DKK3: variants seen among roughly 807,000 people sequenced by gnomAD.
DKK3 encodes dickkopf Wnt signaling pathway inhibitor 3, also known as dickkopf-related protein 3.
Under a neutral mutation model 33.2 loss-of-function variants are expected in DKK3, and 22 were observed. The ratio of observed to expected loss-of-function variants is 0.66; its 90% CI spans 0.47 to 0.95. DKK3 has a LOEUF of 0.95. Among genes scored for constraint, DKK3 ranks in the 40% least tolerant of loss-of-function variants. The probability of loss-of-function intolerance (pLI) is 0.00; values close to 1 mark genes in which losing one functional copy is unlikely to be tolerated. For missense variants in DKK3, 398 were observed against 458.4 expected (o/e 0.87, Z 1.20); for synonymous variants, 194 against 188.8 (o/e 1.03, Z -0.23).
chr11:11,995,820 C>T (rs1205885663), intron 3 of DKK3, among the ~76,000 whole-genome samples: 1 of 152,232 alleles, frequency 6.6e-6, no homozygotes, highest in East Asian at 1.9e-4. Flanking sequence ...CAGACCACAT[C>T]CCCATCAGCC....
chr11:11,971,856 T>G (rs1299048199), intron 3 of DKK3, among the ~76,000 whole-genome samples: 1 of 152,208 alleles, frequency 6.6e-6, no homozygotes, highest in African/African-American at 2.4e-5. Flanking sequence ...CATGGAACTT[T>G]GCCAAAAACC....
intron 3 of DKK3, among the ~76,000 whole-genome samples, chr11:11,970,987 A>T (rs746845417): frequency 2.6e-5 from 4 of 152,328 alleles, no homozygotes; most frequent in Middle Eastern, 6.8e-3. Flanking sequence ...TAGTTTCAGG[A>T]AATAGGCATT....
At chr11:12,006,604 C>T (rs926097804) in intron 1 of DKK3, among the ~76,000 whole-genome samples, 2 of 152,184 alleles carry the variant, frequency 1.3e-5, no homozygotes, top group African/African-American at 4.8e-5. Context: ...CCAACCTACA[C>T]AGAGCCACAT....
chr11:11,978,549 CT>C (rs1364742394), intron 3 of DKK3, among the ~76,000 whole-genome samples: 1 of 146,700 alleles, frequency 6.8e-6, no homozygotes, highest in African/African-American at 2.5e-5. Flanking sequence ...TTGTTTTTAA[CT>C]TTTTTTTGTA....
chr11:11,970,651 C>G (rs561009295), intron 3 of DKK3, among the ~76,000 whole-genome samples: 1 of 152,148 alleles, frequency 6.6e-6, no homozygotes, highest in Non-Finnish European at 1.5e-5. Context: ...ACCTACCTGA[C>G]GGAATCACAA....
At chr11:11,979,514 C>T (rs1348097524) in intron 3 of DKK3, among the ~76,000 whole-genome samples, 1 of 152,200 alleles carries the variant, frequency 6.6e-6, no homozygotes, top group Non-Finnish European at 1.5e-5. Flanking sequence ...AGGAAGCTGG[C>T]TTCACTCCTA....
At chr11:11,990,239 A>C (rs1848160201) in intron 3 of DKK3, among the ~76,000 whole-genome samples, 1 of 152,234 alleles carries the variant, frequency 6.6e-6, no homozygotes, top group Non-Finnish European at 1.5e-5. Context: ...CAGGCTACTC[A>C]GAGACCACAG....
chr11:11,991,200 G>A (rs1289700914), intron 3 of DKK3, among the ~76,000 whole-genome samples: 5 of 152,236 alleles, frequency 3.3e-5, no homozygotes, highest in African/African-American at 1.2e-4. Context: ...CAAGGAGGGA[G>A]AGCTAGCTCT....
intron 3 of DKK3, among the ~76,000 whole-genome samples, chr11:11,975,558 T>C (rs1383495567): frequency 1.2e-4 from 19 of 152,226 alleles, no homozygotes. Flanking sequence ...GATGTGGGGC[T>C]GTTCCCAGAA....
chr11:11,975,138 TG>T (rs1309800044), intron 3 of DKK3, among the ~76,000 whole-genome samples: 1 of 152,176 alleles, frequency 6.6e-6, no homozygotes, highest in East Asian at 1.9e-4. Flanking sequence ...TCGTCCTGTT[TG>T]GGGTACTTTG....
chr11:12,009,479 G>C, upstream of DKK3: 2 of 903,396 alleles, frequency 2.2e-6, no homozygotes, highest in Non-Finnish European at 2.6e-6. Flanking sequence ...CACGCCCCAC[G>C]CCCTCCTCTT....
At chr11:11,975,701 G>A (rs941233206) in intron 3 of DKK3, among the ~76,000 whole-genome samples, 6 of 152,096 alleles carry the variant, frequency 3.9e-5, no homozygotes, top group Non-Finnish European at 7.4e-5. Context: ...TGGGATGCAG[G>A]ACTTGCAGTG....
At chr11:12,003,972 T>C (rs1590558952) in intron 1 of DKK3, among the ~76,000 whole-genome samples, 1 of 152,286 alleles carries the variant, frequency 6.6e-6, no homozygotes, top group East Asian at 1.9e-4. Context: ...AGTGGCCGGA[T>C]TCTGTGCTGG....
intron 3 of DKK3, among the ~76,000 whole-genome samples, chr11:11,983,033 G>GTAATTACAAAAAGCCA (rs1847989762): frequency 1.3e-5 from 2 of 152,192 alleles, no homozygotes; most frequent in African/African-American, 2.4e-5. Flanking sequence ...CTGTTTTTCA[G>GTAATTACAAAAAGCCA]TAATTACAAA....
chr11:11,967,962 G>T (rs569351207), intron 4 of DKK3, among the ~76,000 whole-genome samples: 1 of 152,262 alleles, frequency 6.6e-6, no homozygotes, highest in Non-Finnish European at 1.5e-5. Flanking sequence ...GTCTCTGTTT[G>T]TCTATTAGGA....
rs1385833424 is a variant in DKK3, at chr11:11,964,382, G to C, written c.*82C>G. Reference sequence around the variant, plus strand: ...GGGAAGAAGATGTAGGAAGAAGCCTGGTCAGCCCACGCCTAAAGCACACAC... The same window carrying C: ...GGGAAGAAGATGTAGGAAGAAGCCTCGTCAGCCCACGCCTAAAGCACACAC... On this transcript the variant is annotated 3_prime_UTR_variant, in exon 7 of 7. Coordinates refer to ENST00000683431, the MANE Select transcript of DKK3 (RefSeq NM_001018057.2). 9 of 1,515,144 alleles carry C rather than the reference G, an allele frequency of 5.9e-6. No homozygotes were observed. Among genetic ancestry groups the C allele is most frequent in the Admixed American group, 3.9e-5 (2 of 51,946 alleles). 93.9% of individuals were successfully genotyped at this position (1,515,144 alleles called of 1,614,324 possible). A position where few individuals can be genotyped will look rare whatever the true frequency, so the allele number is the denominator to read the frequency against.
At chr11:11,986,145 G>A (rs958214633) in intron 3 of DKK3, among the ~76,000 whole-genome samples, 8 of 152,198 alleles carry the variant, frequency 5.3e-5, no homozygotes, top group South Asian at 2.1e-4. Context: ...AGGCCCCTCC[G>A]CCATCTTCAA....
At chr11:11,969,870 C>G (rs1271953870) in intron 3 of DKK3, among the ~76,000 whole-genome samples, 2 of 152,202 alleles carry the variant, frequency 1.3e-5, no homozygotes, top group African/African-American at 4.8e-5. Context: ...TTCCCAGCAC[C>G]CCTTAAATGT....
At chr11:12,003,399 C>T (rs957973224) in intron 1 of DKK3, among the ~76,000 whole-genome samples, 1 of 152,184 alleles carries the variant, frequency 6.6e-6, no homozygotes, top group African/African-American at 2.4e-5. Flanking sequence ...TTTTCTTAGA[C>T]ATATGTTCTT....
Sources: gnomAD v4.1 joint callset for allele counts (sites outside exome capture counted in the v4.1 genomes callset) on GRCh38, gnomAD v4.1.1 for gene constraint, MANE v1.5 for transcripts, NCBI Gene and HGNC (gene_info 2026-07-23, HGNC 2026-07-21) for gene names.